The following ADAMTS17 variants were observed in gnomAD, a reference collection of about 807,000 sequenced individuals.
The protein encoded by ADAMTS17 is ADAM metallopeptidase with thrombospondin type 1 motif 17.
In ADAMTS17, 113 loss-of-function variants were observed where a neutral mutation model predicts 141.5. That is an observed-to-expected ratio of 0.80 (90% confidence interval 0.69 to 0.93). ADAMTS17 has a LOEUF of 0.93. ADAMTS17 is among the 40% of genes least tolerant of loss of function. ADAMTS17 has a pLI of 0.00. For synonymous variants in ADAMTS17, 768 were observed against 630.6 expected (o/e 1.22, Z -3.27); for missense variants, 1,659 against 1,517.9 (o/e 1.09, Z -1.54).
chr15:100,299,618 A>C (rs1567507861), intron 3 of ADAMTS17, among the ~76,000 whole-genome samples: 3 of 152,198 alleles, frequency 2.0e-5, no homozygotes, highest in Admixed American at 2.0e-4. Flanking sequence ...CAAAAGCCTG[A>C]AAAGAAATCG....
At chr15:100,147,021 C>T (rs11634380) in intron 10 of ADAMTS17, among the ~76,000 whole-genome samples, 37,085 of 152,060 alleles carry the variant, frequency 0.24, 5,377 homozygotes, top group East Asian at 0.35. Flanking sequence ...CCTGTGATCT[C>T]GCCCTGCCTC....
chr15:100,085,578 A>G (rs1308369411), intron 15 of ADAMTS17, among the ~76,000 whole-genome samples: 1 of 152,072 alleles, frequency 6.6e-6, no homozygotes, highest in Non-Finnish European at 1.5e-5. Flanking sequence ...AAAAAATGTT[A>G]AGGGCAGCCA....
At chr15:100,109,674 G>A (rs1400772215) in intron 13 of ADAMTS17, among the ~76,000 whole-genome samples, 2 of 152,162 alleles carry the variant, frequency 1.3e-5, no homozygotes, top group East Asian at 1.9e-4. Flanking sequence ...GGACATGTGC[G>A]CCGCTAGGAC....
At chr15:100,143,054 G>A (rs1332749002) in intron 10 of ADAMTS17, among the ~76,000 whole-genome samples, 2 of 152,230 alleles carry the variant, frequency 1.3e-5, no homozygotes. Context: ...TGCATTCCTG[G>A]GAAGCAGTAG....
At position 100,040,560 on chromosome 15, in the gene ADAMTS17, G is replaced by A. The variant is rs566486701; in HGVS notation, c.2591+8297C>T. 2.0e-5 allele frequency among the ~76,000 whole-genome samples: 3 copies of A among 152,048 alleles called. No homozygotes were observed. In the East Asian group the frequency reaches 5.8e-4, roughly 29 times the overall value. On this transcript the variant is annotated intron_variant, in intron 18 of 21. Transcript: ENST00000268070. Reference sequence around the variant, plus strand: ...GAAGAGAGAAGGATCTCTTTTGATGGGTTGCAGAGCCTACATGCAAAGCAT... The same window carrying A: ...GAAGAGAGAAGGATCTCTTTTGATGAGTTGCAGAGCCTACATGCAAAGCAT...
intron 7 of ADAMTS17, among the ~76,000 whole-genome samples, chr15:100,230,096 G>A (rs74037588): frequency 5.5e-4 from 84 of 152,272 alleles, no homozygotes; most frequent in East Asian, 2.1e-3. Context: ...AACCAACACC[G>A]GGCACTTAAA....
At chr15:100,157,359 T>C (rs1410388779) in intron 8 of ADAMTS17, among the ~76,000 whole-genome samples, 2 of 152,242 alleles carry the variant, frequency 1.3e-5, no homozygotes, top group African/African-American at 2.4e-5. Context: ...AATGTTTTTA[T>C]AGCTTAAGTT....
chr15:100,266,820 TCTCA>T (rs371650293), intron 4 of ADAMTS17, among the ~76,000 whole-genome samples: 2 of 152,238 alleles, frequency 1.3e-5, no homozygotes, highest in Admixed American at 6.5e-5. Flanking sequence ...TGGTTTTCCT[TCTCA>T]CTGATTTGCA....
At chr15:100,087,312 C>G (rs1316167744) in intron 15 of ADAMTS17, among the ~76,000 whole-genome samples, 1 of 152,180 alleles carries the variant, frequency 6.6e-6, no homozygotes, top group African/African-American at 2.4e-5. Context: ...TCTGAATAGA[C>G]CAATAACAGG....
intron 4 of ADAMTS17, among the ~76,000 whole-genome samples, chr15:100,266,330 C>T (rs1266039147): frequency 6.6e-6 from 1 of 152,200 alleles, no homozygotes; most frequent in African/African-American, 2.4e-5. Context: ...ATCTGGAAAA[C>T]CCACAACTGC....
intron 3 of ADAMTS17, among the ~76,000 whole-genome samples, chr15:100,292,470 TACTCACCCCGTGTGAAATTATGAGAGAC>T (rs1567497906): frequency 5.5e-5 from 6 of 109,610 alleles, no homozygotes; most frequent in South Asian, 3.1e-4. Flanking sequence ...TTATGAGAGA[TACTCACCCCGTGTGAAATTATGAGAGAC>T]ACTCACCCCG....
intron 7 of ADAMTS17, among the ~76,000 whole-genome samples, chr15:100,223,958 A>G (rs2042222100): frequency 6.6e-6 from 1 of 152,130 alleles, no homozygotes; most frequent in South Asian, 2.1e-4. Context: ...TCCAGTGTTC[A>G]ATGGCAGGAA....
intron 11 of ADAMTS17, 50 bp downstream of exon 11, chr15:100,133,164 C>A: frequency 6.6e-7 from 1 of 1,507,656 alleles, no homozygotes; most frequent in Non-Finnish European, 9.0e-7. Context: ...TGCCAGTTGC[C>A]TGCAAGATGT....
At chr15:99,988,391 C>T (rs567093967) in intron 20 of ADAMTS17, among the ~76,000 whole-genome samples, 1 of 152,296 alleles carries the variant, frequency 6.6e-6, no homozygotes, top group African/African-American at 2.4e-5. Context: ...CCACCTTCTA[C>T]TGCAAGTAAA....
At chr15:100,250,087 G>C (rs1162178641) in intron 7 of ADAMTS17, among the ~76,000 whole-genome samples, 1 of 152,106 alleles carries the variant, frequency 6.6e-6, no homozygotes, top group Non-Finnish European at 1.5e-5. Context: ...GTATAAAAAA[G>C]CACGATTTAA....
chr15:99,982,576 A>C (rs1272084351), intron 20 of ADAMTS17, among the ~76,000 whole-genome samples: 2 of 152,214 alleles, frequency 1.3e-5, no homozygotes, highest in Admixed American at 6.5e-5. Flanking sequence ...AGGAGACTGT[A>C]GTGTCTCCTG....
chr15:100,335,168 G>A (rs563768414), intron 2 of ADAMTS17, among the ~76,000 whole-genome samples: 230 of 152,280 alleles, frequency 1.5e-3, no homozygotes, highest in African/African-American at 5.4e-3. Context: ...CCAGCAGTCA[G>A]TTTAACGGGC....
In ADAMTS17 at chr15:100,142,896, C is replaced by T. The variant is rs574612711; in HGVS notation, c.1474-9581G>A. Among the ~76,000 whole-genome samples, 8 of 152,318 alleles carry T rather than the reference C, an allele frequency of 5.3e-5. No individual in the cohort carries two copies. In the South Asian group the frequency reaches 6.2e-4, roughly 12 times the overall value. On this transcript the variant is annotated intron_variant, in intron 10 of 21. Transcript: ENST00000268070. ...TGTGCTCAATAACATTCTTAAACAGCGGCATAACATGCACACCTCGGGTCC... is the reference window on the plus strand; with the variant it reads ...TGTGCTCAATAACATTCTTAAACAGTGGCATAACATGCACACCTCGGGTCC...
chr15:100,257,350 G>A (rs1014856431), intron 6 of ADAMTS17, among the ~76,000 whole-genome samples: 1 of 152,160 alleles, frequency 6.6e-6, no homozygotes, highest in Non-Finnish European at 1.5e-5. Flanking sequence ...CTTCCTGCCC[G>A]ACTCCACTGC....
Sources: allele counts gnomAD v4.1 joint callset (sites outside exome capture counted in the v4.1 genomes callset), GRCh38; gene constraint gnomAD v4.1.1; transcripts MANE v1.5; gene names NCBI Gene and HGNC (gene_info 2026-07-23, HGNC 2026-07-21).